Variants in CAMK2A observed in about 807,000 individuals in gnomAD.
CAMK2A encodes calcium/calmodulin-dependent protein kinase type II subunit alpha.
A neutral mutation model predicts 79.2 loss-of-function variants in CAMK2A; 7 were observed. That is an observed-to-expected ratio of 0.09 (90% CI 0.05 to 0.17). The LOEUF (loss-of-function observed/expected upper bound fraction) is 0.17, where lower values mean the gene tolerates loss of function less well. Among genes scored for constraint, CAMK2A ranks in the 10% least tolerant of loss-of-function variants. The pLI, the probability that CAMK2A is intolerant of heterozygous loss-of-function variation, is 1.00. For missense variants in CAMK2A, 214 were observed against 646.4 expected (o/e 0.33, Z 7.25); for synonymous variants, 242 against 251.7 (o/e 0.96, Z 0.36).
At chr5:150,232,220 G>A (rs1382281430) in intron 15 of CAMK2A, among the ~76,000 whole-genome samples, 2 of 152,248 alleles carry the variant, frequency 1.3e-5, no homozygotes, top group African/African-American at 2.4e-5. Context: ...TCCTCAAGCT[G>A]TGCAACTGCG....
intron 1 of CAMK2A, among the ~76,000 whole-genome samples, chr5:150,281,635 C>T (rs1037247921): frequency 2.0e-5 from 3 of 152,216 alleles, no homozygotes; most frequent in African/African-American, 7.2e-5. Context: ...AGAGGGGGTC[C>T]GACCTTGAGG....
intron 1 of CAMK2A, among the ~76,000 whole-genome samples, chr5:150,288,603 T>C (rs1375392967): frequency 2.0e-5 from 3 of 151,678 alleles, no homozygotes; most frequent in Non-Finnish European, 4.4e-5. Context: ...CCAGGGCCCC[T>C]CCCCCCGTGC....
At chr5:150,241,822 C>T (rs1365657508) in intron 13 of CAMK2A, among the ~76,000 whole-genome samples, 1 of 151,668 alleles carries the variant, frequency 6.6e-6, no homozygotes, top group African/African-American at 2.4e-5. Context: ...TTCTTCCCCT[C>T]TTTCCTCCAC....
In CAMK2A at chr5:150,256,974, G is replaced by A. The variant is rs1198581819; in HGVS notation, c.273-143C>T. 5 of 626,640 alleles carry A rather than the reference G, an allele frequency of 8.0e-6. No homozygotes were observed. The African/African-American group carries it at 9.2e-5, about 12-fold the overall frequency. The allele number at this position is 626,640 out of a possible 1,614,324, so 38.8% of individuals were successfully genotyped here. A position where few individuals can be genotyped will look rare whatever the true frequency, so the allele number is the denominator to read the frequency against. On this transcript the variant is annotated intron_variant, in intron 4 of 18. Coordinates refer to ENST00000671881, the MANE Select transcript of CAMK2A (RefSeq NM_015981.4). The surrounding 1 kb of genome is among the most constrained non-coding windows in gnomAD (Gnocchi z 4.6). ...GGAGGGGCCCCAGGGTCACGGGGGT[G>A]TCCCCTGCTGCAATGCCCTTCCTGT...
intron 18 of CAMK2A, 21 bp from the exon 19 acceptor site, chr5:150,222,734 G>T (rs2114010741): frequency 6.2e-7 from 1 of 1,613,902 alleles, no homozygotes; most frequent in Non-Finnish European, 8.5e-7. Context: ...CACACGGGGT[G>T]CTTCTCAGGG....
intron 6 of CAMK2A, among the ~76,000 whole-genome samples, 166 bp from the exon 7 acceptor site, chr5:150,253,712 C>A (rs1255629759): frequency 1.3e-5 from 2 of 152,216 alleles, no homozygotes; most frequent in Non-Finnish European, 2.9e-5. Context: ...GAGTCTCAGT[C>A]CCCAGAGAGG....
chr5:150,253,487 A>G lies in CAMK2A; in HGVS notation c.471T>C (p.Phe157=). The G allele has an allele frequency of 6.2e-7, 1 of 1,614,220 alleles. No individual in the cohort carries two copies. Among genetic ancestry groups the G allele is most frequent in the South Asian group, 1.1e-5 (1 of 91,084 alleles). Residue 157 remains phenylalanine (F), a synonymous_variant, in exon 7 of 19, where the codon TTT becomes TTC. Transcript: ENST00000671881. ...CCCCCTCCACCTCTATGGCCAGGCC[A>G]AAGTCTGCCAGCTTCACTGCGGCAC... The part of the protein sequence containing the change: ...LKGAAVKLAD[F]GLAIEVEGEQ...
intron 13 of CAMK2A, among the ~76,000 whole-genome samples, chr5:150,240,176 C>T (rs1001313975): frequency 9.2e-5 from 14 of 152,336 alleles, no homozygotes; most frequent in African/African-American, 3.4e-4. Context: ...CCGTGCATCT[C>T]GGCTAGGAGG....
intron 3 of CAMK2A, among the ~76,000 whole-genome samples, chr5:150,260,325 G>C (rs1414120524): frequency 6.6e-6 from 1 of 152,042 alleles, no homozygotes; most frequent in Non-Finnish European, 1.5e-5. Flanking sequence ...CAGGCGTGGT[G>C]GTGGGCACCT....
At chr5:150,224,052 T>C (rs1398714898) in intron 17 of CAMK2A, among the ~76,000 whole-genome samples, 1 of 152,202 alleles carries the variant, frequency 6.6e-6, no homozygotes, top group East Asian at 1.9e-4. Flanking sequence ...GGTGAGGTCA[T>C]GGGACTTTCC....
intron 1 of CAMK2A, among the ~76,000 whole-genome samples, chr5:150,288,517 A>G (rs930032225): frequency 4.6e-5 from 7 of 152,118 alleles, no homozygotes; most frequent in African/African-American, 1.7e-4. Context: ...AAGCCCTTCT[A>G]CAGCCACACA....
At chr5:150,252,886 T>G (rs926852951) in intron 7 of CAMK2A, among the ~76,000 whole-genome samples, 1 of 152,228 alleles carries the variant, frequency 6.6e-6, no homozygotes, top group African/African-American at 2.4e-5. Flanking sequence ...AGTCGGGATT[T>G]GAACCCAGAA....
At position 150,223,141 on chromosome 5, in the gene CAMK2A, G is replaced by A; in HGVS notation, c.1314C>T (p.Ala438=). ...PHIHLMGDES[A]CIAYIRITQY... is the part of the protein sequence containing the mutation. ...GCGTGATGCGGATGTAGGCGATGCA[G>A]GCTGACTCGTCGCCCATCAGGTGGA... Residue 438 remains alanine, a synonymous_variant, in exon 18 of 19, where the codon GCC becomes GCT. Transcript: ENST00000671881. This position sits in a 1 kb window ranked among gnomAD's most constrained non-coding sequence, Gnocchi z 4.1. The A allele has an allele frequency of 1.2e-6, 2 of 1,614,122 alleles. No individual in the cohort carries two copies. The highest frequency in any genetic ancestry group is 1.7e-5 in the Admixed American group (1 of 60,032).
At chr5:150,248,091 C>T (rs959293517) in intron 11 of CAMK2A, among the ~76,000 whole-genome samples, 6 of 152,078 alleles carry the variant, frequency 3.9e-5, no homozygotes, top group South Asian at 2.1e-4. Flanking sequence ...CCCCTTGGCC[C>T]GCCCAAGCTG....
At chr5:150,228,543 C>G (rs952591802) in intron 16 of CAMK2A, among the ~76,000 whole-genome samples, 1 of 152,134 alleles carries the variant, frequency 6.6e-6, no homozygotes, top group Non-Finnish European at 1.5e-5. Flanking sequence ...TGGCTTAATC[C>G]CTTTAAGCAA....
At position 150,220,018 on chromosome 5, in the gene CAMK2A, AC is replaced by A. The variant is rs1754228449; in HGVS notation, c.*2691del. ...ATCATCCCTGGTGCCCTGTGGTGGC[AC>A]CAGGTGGCTGCCCACCCACAGGCGT... On this transcript the variant is annotated 3_prime_UTR_variant, in exon 19 of 19. Coordinates refer to ENST00000671881, the MANE Select transcript of CAMK2A (RefSeq NM_015981.4). 1 of 152,658 alleles carries A rather than the reference AC, an allele frequency of 6.6e-6. No homozygotes were observed. Among genetic ancestry groups the A allele is most frequent in the Non-Finnish European group, 1.5e-5 (1 of 68,028 alleles). 9.5% of individuals were successfully genotyped at this position (152,658 alleles called of 1,614,324 possible). A position where few individuals can be genotyped will look rare whatever the true frequency, so the allele number is the denominator to read the frequency against.
At chr5:150,237,115 C>A (rs942410717) in intron 15 of CAMK2A, among the ~76,000 whole-genome samples, 16 of 152,122 alleles carry the variant, frequency 1.1e-4, no homozygotes, top group Admixed American at 1.0e-3. Context: ...TACCCACCAC[C>A]GCCCAGGTTG....
chr5:150,278,655 A>C (rs1037733938), intron 1 of CAMK2A, among the ~76,000 whole-genome samples: 4 of 151,992 alleles, frequency 2.6e-5, no homozygotes, highest in Non-Finnish European at 5.9e-5. Context: ...GCGGATGGCC[A>C]TGGGCAGTCC....
intron 12 of CAMK2A, 131 bp from the exon 13 acceptor site, chr5:150,245,332 G>GA: frequency 1.4e-6 from 1 of 735,854 alleles, no homozygotes; most frequent in Non-Finnish European, 2.3e-6. Flanking sequence ...AGCGATCCTG[G>GA]GGGAGGCCTC....
Sources: allele counts gnomAD v4.1 joint callset (sites outside exome capture counted in the v4.1 genomes callset), GRCh38; gene constraint gnomAD v4.1.1; non-coding constraint Gnocchi (gnomAD v3.1); transcripts MANE v1.5; gene names NCBI Gene and HGNC (gene_info 2026-07-23, HGNC 2026-07-21).